Variants in CACNA2D1 observed in about 807,000 individuals in gnomAD.
CACNA2D1 encodes the protein voltage-dependent calcium channel subunit alpha-2/delta-1.
Under a neutral mutation model 171.5 loss-of-function variants are expected in CACNA2D1, and 53 were observed. The observed-to-expected ratio is 0.31, with a 90% confidence interval of 0.25 to 0.39. The LOEUF is 0.39. CACNA2D1 is among the 10% of genes least tolerant of loss of function. CACNA2D1 has a pLI of 1.00. For synonymous variants in CACNA2D1, 442 were observed against 443.1 expected (o/e 1.00, Z 0.03); for missense variants, 903 against 1,299.8 (o/e 0.69, Z 4.69).
rs751209763 is a variant in CACNA2D1 at position 82,443,479 on chromosome 7, T to G, written c.-20A>C. 4 of 1,605,086 alleles carry G rather than the reference T, an allele frequency of 2.5e-6. No individual in the cohort carries two copies. The highest frequency in any genetic ancestry group is 4.5e-5 in the East Asian group (2 of 44,266). On this transcript the variant is annotated 5_prime_UTR_variant, in exon 1 of 39. Transcript: ENST00000356860. ...AGCCATCTTCGCGATCGAAGATCAA[T>G]GCCCCCTCCCTGCCCAAGCGGGGGA... is the stretch of plus-strand genomic sequence containing the variant.
chr7:82,066,543 G>A lies in CACNA2D1; in HGVS notation c.659-19C>T, dbSNP rs200166451. On this transcript the variant is annotated intron_variant, in intron 7 of 38. Coordinates refer to ENST00000356860, the MANE Select transcript of CACNA2D1 (RefSeq NM_000722.4). ...GGTGAAGCTAAAAAAAAAAAAAAAA[G>A]AGAGATATTAAATCAAAATATTAGA... The A allele has an allele frequency of 6.2e-4, 775 of 1,246,642 alleles. 1 individual carries two copies. Among genetic ancestry groups the A allele is most frequent in the Admixed American group, 2.0e-3 (95 of 47,012 alleles). 77.2% of individuals were successfully genotyped at this position (1,246,642 alleles called of 1,614,324 possible).
At chr7:82,101,380 A>T (rs1812661098) in intron 6 of CACNA2D1, among the ~76,000 whole-genome samples, 1 of 152,156 alleles carries the variant, frequency 6.6e-6, no homozygotes, top group Non-Finnish European at 1.5e-5. Flanking sequence ...ATGGGTGACA[A>T]ATGCCTTCTA....
chr7:82,127,093 C>A (rs1317060078), intron 5 of CACNA2D1, among the ~76,000 whole-genome samples: 1 of 152,226 alleles, frequency 6.6e-6, no homozygotes, highest in African/African-American at 2.4e-5. Context: ...TCTAACTGCA[C>A]TGCTTATTCT....
chr7:81,991,317 A>G lies in CACNA2D1; in HGVS notation c.1735-71T>C, dbSNP rs1051316109. 3.7e-5 allele frequency: 30 copies of G among 803,654 alleles called. No homozygotes were observed. In the East Asian group the frequency reaches 7.4e-4, roughly 20 times the overall value. The allele number at this position is 803,654 out of a possible 1,614,324, so 49.8% of individuals were successfully genotyped here. A position where few individuals can be genotyped will look rare whatever the true frequency, so the allele number is the denominator to read the frequency against. On this transcript the variant is annotated intron_variant, in intron 20 of 38. Coordinates refer to ENST00000356860, the MANE Select transcript of CACNA2D1 (RefSeq NM_000722.4). ...GAATATATACGAAAAGTAAAGCCGT[A>G]GAATTTACTTATAAATTTTGTAGTC...
Position 82,362,292 on chromosome 7 carries a change from C to T in CACNA2D1, c.96-12643G>A, listed in dbSNP as rs117706329. Among the ~76,000 whole-genome samples the T allele has an allele frequency of 4.3e-4, 66 of 152,240 alleles. No individual in the cohort carries two copies. The Middle Eastern group carries it at 0.01, about 24-fold the overall frequency. The stretch of plus-strand genomic sequence containing the variant: ...GTGCTCCATTTAGAGCACATCCCAA[C>T]GTAGATTTCAACAAGCAGTTTTAAA... On this transcript the variant is annotated intron_variant, in intron 1 of 38. Coordinates refer to ENST00000356860, the MANE Select transcript of CACNA2D1 (RefSeq NM_000722.4).
chr7:82,196,659 G>C (rs1798883397), intron 3 of CACNA2D1, among the ~76,000 whole-genome samples: 1 of 152,012 alleles, frequency 6.6e-6, no homozygotes, highest in African/African-American at 2.4e-5. Context: ...AAAGTCATTA[G>C]AGAGTAAGGA....
Position 82,271,834 on chromosome 7 carries a change from A to G in CACNA2D1, c.294+63301T>C, listed in dbSNP as rs2299162. Among the ~76,000 whole-genome samples the G allele has an allele frequency of 2.6e-3, 392 of 152,214 alleles. 7 individuals are homozygous for G. The East Asian group carries it at 0.033, about 13-fold the overall frequency. Reference sequence around the variant, plus strand: ...ATCGATTTCAACTTTTTCAAAATAAATAATATTTATAATCATAGACAATAG... The same window carrying G: ...ATCGATTTCAACTTTTTCAAAATAAGTAATATTTATAATCATAGACAATAG... On this transcript the variant is annotated intron_variant, in intron 3 of 38. Coordinates refer to ENST00000356860, the MANE Select transcript of CACNA2D1 (RefSeq NM_000722.4).
At chr7:82,150,256 T>G (rs1793671587) in intron 4 of CACNA2D1, among the ~76,000 whole-genome samples, 1 of 66,460 alleles carries the variant, frequency 1.5e-5, no homozygotes, top group African/African-American at 8.9e-5. Flanking sequence ...TTAGATCAAA[T>G]TAAAAAAAAA....
chr7:82,333,393 G>A (rs1817617169), intron 3 of CACNA2D1, among the ~76,000 whole-genome samples: 1 of 152,068 alleles, frequency 6.6e-6, no homozygotes, highest in Non-Finnish European at 1.5e-5. Context: ...ATTTATAAAG[G>A]AAGGAGGTTT....
intron 6 of CACNA2D1, among the ~76,000 whole-genome samples, chr7:82,094,402 T>G (rs944693784): frequency 6.6e-6 from 1 of 152,200 alleles, no homozygotes; most frequent in African/African-American, 2.4e-5. Flanking sequence ...CACATATACA[T>G]GTATGCATAC....
intron 38 of CACNA2D1, among the ~76,000 whole-genome samples, chr7:81,951,971 T>TTTTTTTTG (rs1792601734): frequency 7.7e-6 from 1 of 130,664 alleles, no homozygotes; most frequent in Admixed American, 7.9e-5. Context: ...TACAAAGTGT[T>TTTTTTTTG]TTTTTTTTTT....
chr7:82,122,323 T>G (rs936167033), intron 5 of CACNA2D1, among the ~76,000 whole-genome samples: 1 of 152,188 alleles, frequency 6.6e-6, no homozygotes, highest in African/African-American at 2.4e-5. Context: ...TCAAATAAGA[T>G]TAAAGTCGCT....
intron 12 of CACNA2D1, among the ~76,000 whole-genome samples, chr7:82,025,073 T>C (rs901937278): frequency 7.9e-5 from 12 of 151,648 alleles, no homozygotes; most frequent in African/African-American, 2.9e-4. Flanking sequence ...TATTAGGAGG[T>C]GTGATGCCTC....
intron 1 of CACNA2D1, among the ~76,000 whole-genome samples, chr7:82,383,452 A>T (rs1444432020): frequency 6.6e-6 from 1 of 152,198 alleles, no homozygotes; most frequent in African/African-American, 2.4e-5. Flanking sequence ...AGTAGGAAGA[A>T]GATTTGTAAT....
chr7:82,036,751 A>G (rs897233404), intron 11 of CACNA2D1, among the ~76,000 whole-genome samples: 5 of 152,240 alleles, frequency 3.3e-5, no homozygotes, highest in Admixed American at 6.5e-5. Flanking sequence ...GGATATCTCA[A>G]AAACTATTTA....
chr7:81,961,546 A>T (rs1384479025), intron 36 of CACNA2D1, among the ~76,000 whole-genome samples: 23 of 151,568 alleles, frequency 1.5e-4, no homozygotes, highest in Non-Finnish European at 3.4e-4. Flanking sequence ...ACTTTATATT[A>T]GAAATTTTTA....
chr7:82,347,852 A>T (rs771926298), intron 2 of CACNA2D1, among the ~76,000 whole-genome samples: 1 of 152,172 alleles, frequency 6.6e-6, no homozygotes, highest in Non-Finnish European at 1.5e-5. Context: ...GTCATTGATT[A>T]ATTCATCAAT....
intron 25 of CACNA2D1, among the ~76,000 whole-genome samples, chr7:81,972,678 C>T (rs1405778515): frequency 6.6e-6 from 1 of 151,872 alleles, no homozygotes; most frequent in Non-Finnish European, 1.5e-5. Flanking sequence ...GCCTTCTTCC[C>T]ATTCTCCTTG....
chr7:81,950,586 C>T (rs1792404643), intron 38 of CACNA2D1, 78 bp from the exon 39 acceptor site: 2 of 1,515,206 alleles, frequency 1.3e-6, no homozygotes, highest in Admixed American at 2.1e-5. Context: ...ACACATCTTT[C>T]AGAGTAATCC....
Sources: allele counts gnomAD v4.1 joint callset (sites outside exome capture counted in the v4.1 genomes callset), GRCh38; gene constraint gnomAD v4.1.1; transcripts MANE v1.5; gene names NCBI Gene and HGNC (gene_info 2026-07-23, HGNC 2026-07-21).